The following TBC1D31 variants were observed in gnomAD, a reference collection of about 807,000 sequenced individuals.
The protein encoded by TBC1D31 is TBC1 domain family member 31.
TBC1D31 carries 99 observed loss-of-function variants against 132.9 expected under a neutral mutation model. That is an observed-to-expected ratio of 0.74 (90% CI 0.63 to 0.88). The LOEUF (loss-of-function observed/expected upper bound fraction) is 0.88. TBC1D31 is among the 40% of genes least tolerant of loss of function. The probability of loss-of-function intolerance (pLI) is 0.00; values close to 1 mark genes in which losing one functional copy is unlikely to be tolerated. For missense variants in TBC1D31, 1,134 were observed against 1,256.6 expected, an observed-to-expected ratio of 0.90 and a Z score of 1.48; for synonymous variants, 385 against 419.4, an observed-to-expected ratio of 0.92 and a Z score of 1.00.
intron 5 of TBC1D31, among the ~76,000 whole-genome samples, chr8:123,096,632 C>A (rs769152623): frequency 2.0e-5 from 3 of 152,262 alleles, no homozygotes; most frequent in Non-Finnish European, 4.4e-5. Context: ...TTGGCTTGTG[C>A]AGCCTTAACT....
intron 7 of TBC1D31, chr8:123,102,108 AC>A (rs1817482503): frequency 2.6e-6 from 1 of 392,136 alleles, no homozygotes; most frequent in African/African-American, 2.1e-5. Flanking sequence ...TGCATGCCTC[AC>A]TTCTCTTCTC....
intron 17 of TBC1D31, among the ~76,000 whole-genome samples, chr8:123,136,124 A>C (rs1349402159): frequency 2.6e-5 from 4 of 152,122 alleles, no homozygotes; most frequent in Non-Finnish European, 4.4e-5. Context: ...TTATATAACC[A>C]CCGTACAGTT....
At chr8:123,101,061 A>G in intron 7 of TBC1D31, 54 bp downstream of exon 7, 3 of 1,238,898 alleles carry the variant, frequency 2.4e-6, no homozygotes, top group Non-Finnish European at 3.5e-6. Context: ...TATATATTAT[A>G]TCATCAAGAA....
chr8:123,090,941 AAAAT>A (rs1292818787), intron 4 of TBC1D31, among the ~76,000 whole-genome samples: 14 of 152,182 alleles, frequency 9.2e-5, no homozygotes, highest in African/African-American at 3.1e-4. Flanking sequence ...ACTCTGTCTC[AAAAT>A]AAATAAATAA....
chr8:123,105,206 C>T (rs1817807844), intron 7 of TBC1D31, 82 bp from the exon 8 acceptor site: 1 of 1,115,052 alleles, frequency 9.0e-7, no homozygotes, highest in African/African-American at 1.6e-5. Context: ...GTTATTAAAG[C>T]AAATTTTGAA....
rs1355373232 is a variant in TBC1D31 at position 123,109,582 on chromosome 8, C to A, written c.1398C>A (p.Tyr466Ter). The A allele has an allele frequency of 1.2e-6, 2 of 1,613,632 alleles. No individual in the cohort carries two copies. Among genetic ancestry groups the A allele is most frequent in the African/African-American group, 2.7e-5 (2 of 74,866 alleles). Residue 466 changes from tyrosine to a stop codon, truncating the protein, a stop_gained, in exon 10 of 22, where the codon TAC becomes TAA. Transcript: ENST00000287380. LOFTEE classifies it high-confidence loss of function. ...HVAFLNLQKK[Y>*]PIKSRKLLRV... ...CATTTCTCAACCTTCAGAAGAAATA[C>A]CCCATCAAAAGTAGGAAGCTACTCA...
intron 8 of TBC1D31, 57 bp from the exon 9 acceptor site, chr8:123,109,260 T>G (rs1727344018): frequency 6.2e-6 from 8 of 1,280,732 alleles, no homozygotes; most frequent in South Asian, 3.9e-5. Context: ...ATTACCTTTG[T>G]CACCTTTTCA....
At chr8:123,129,305 A>G in intron 15 of TBC1D31, 87 bp downstream of exon 15, 1 of 896,264 alleles carries the variant, frequency 1.1e-6, no homozygotes, top group Non-Finnish European at 1.6e-6. Flanking sequence ...TTTTAGAAAC[A>G]ACATTATATA....
intron 7 of TBC1D31, chr8:123,102,357 C>CT: frequency 2.8e-6 from 1 of 353,012 alleles, no homozygotes; most frequent in Admixed American, 3.9e-5. Context: ...GCGTTTGCCA[C>CT]CTTTTTTTAT....
In TBC1D31 at chr8:123,142,408, G is replaced by T; in HGVS notation, c.2787G>T (p.Arg929Ser). Residue 929 changes from arginine to serine, a missense_variant, in exon 19 of 22, where the codon AGG (arginine) becomes AGT (serine). Physicochemically the swap from Arg to Ser is moderately radical, Grantham distance 110. Transcript: ENST00000287380. ...EVAKLLRENR[R>S]KEIEIINAMV... ...CCAAACTCCTTAGGGAAAACAGAAG[G>T]AAAGAAATAGAGATAATAAATGCAA... 3.1e-6 allele frequency: 5 copies of T among 1,603,376 alleles called. No homozygotes were observed. Among genetic ancestry groups the T allele is most frequent in the Non-Finnish European group, 4.3e-6 (5 of 1,175,722 alleles).
chr8:123,092,425 A>G (rs1039270532), intron 4 of TBC1D31, among the ~76,000 whole-genome samples: 3 of 152,174 alleles, frequency 2.0e-5, no homozygotes, highest in South Asian at 4.1e-4. Context: ...GCGGCAGTGT[A>G]TGACAGTGCC....
chr8:123,143,134 C>T (rs984162014), intron 19 of TBC1D31, among the ~76,000 whole-genome samples: 11 of 152,192 alleles, frequency 7.2e-5, no homozygotes, highest in African/African-American at 2.7e-4. Context: ...CCATCACATA[C>T]ACATTCCAGG....
chr8:123,087,711 T>C (rs1219620330), intron 4 of TBC1D31, among the ~76,000 whole-genome samples: 1 of 152,248 alleles, frequency 6.6e-6, no homozygotes, highest in Non-Finnish European at 1.5e-5. Context: ...CGCTGAATAG[T>C]TGCCAACGCA....
At chr8:123,147,763 A>C (rs1314457811) in intron 20 of TBC1D31, among the ~76,000 whole-genome samples, 1 of 152,186 alleles carries the variant, frequency 6.6e-6, no homozygotes, top group Non-Finnish European at 1.5e-5. Flanking sequence ...CATGTTCTTA[A>C]TCAGGGTATA....
intron 1 of TBC1D31, 116 bp from the exon 2 acceptor site, chr8:123,076,995 G>C: frequency 2.1e-6 from 2 of 957,002 alleles, no homozygotes; most frequent in Non-Finnish European, 3.0e-6. Flanking sequence ...CGGGGGTATA[G>C]CGGTAGCAGT....
At chr8:123,135,134 A>G (rs1354696401) in intron 17 of TBC1D31, among the ~76,000 whole-genome samples, 1 of 152,170 alleles carries the variant, frequency 6.6e-6, no homozygotes, top group Non-Finnish European at 1.5e-5. Flanking sequence ...TCCTGGGCTC[A>G]AGCAATCTGC....
chr8:123,121,571 TAA>T (rs1438434174), intron 11 of TBC1D31, among the ~76,000 whole-genome samples: 2 of 152,120 alleles, frequency 1.3e-5, no homozygotes, highest in Non-Finnish European at 2.9e-5. Flanking sequence ...TCTAGTTGTT[TAA>T]AAGAGTGTGG....
At chr8:123,155,732 G>T (rs1258176633), downstream of TBC1D31, among the ~76,000 whole-genome samples, 3 of 152,170 alleles carry the variant, frequency 2.0e-5, no homozygotes, top group African/African-American at 7.2e-5. The surrounding 1 kb of genome is among the most constrained non-coding windows in gnomAD (Gnocchi z 4.1). Flanking sequence ...ACATGCTTAC[G>T]AGTATTCTTT....
intron 1 of TBC1D31, among the ~76,000 whole-genome samples, chr8:123,074,674 G>T (rs1814310027): frequency 6.6e-6 from 1 of 152,222 alleles, no homozygotes; most frequent in Non-Finnish European, 1.5e-5. Flanking sequence ...TTCCACTAAA[G>T]CATAGCTTAT....
Sources: allele counts gnomAD v4.1 joint callset (sites outside exome capture counted in the v4.1 genomes callset), GRCh38; gene constraint gnomAD v4.1.1; non-coding constraint Gnocchi (gnomAD v3.1); transcripts MANE v1.5; gene names NCBI Gene and HGNC (gene_info 2026-07-23, HGNC 2026-07-21).